XDH: variants seen among roughly 807,000 people sequenced by gnomAD.
XDH encodes the protein xanthine dehydrogenase, also known as xanthine dehydrogenase/oxidase.
Under a neutral mutation model 156.1 loss-of-function variants are expected in XDH, and 138 were observed. The ratio of observed to expected loss-of-function variants is 0.88; its 90% CI spans 0.77 to 1.02. XDH has a LOEUF of 1.02. XDH is among the 50% of genes least tolerant of loss of function. The pLI is 0.00. For synonymous variants in XDH, 669 were observed against 625.7 expected, an observed-to-expected ratio of 1.07 and a Z score of -1.03; for missense variants, 1,849 against 1,684.9, an observed-to-expected ratio of 1.10 and a Z score of -1.71.
Position 31,368,858 on chromosome 2 carries a change from C to T in XDH, c.1981-198G>A, listed in dbSNP as rs896381189. Among the ~76,000 whole-genome samples the T allele has an allele frequency of 1.2e-4, 18 of 152,288 alleles. No homozygotes were observed. In the South Asian group the frequency reaches 1.4e-3, roughly 12 times the overall value. On this transcript the variant is annotated intron_variant, in intron 18 of 35. Coordinates refer to ENST00000379416, the MANE Select transcript of XDH (RefSeq NM_000379.4). ...TCAAGATGGCAAACACATTTCATCT[C>T]AAGGGCCAATTCTGAGTATTTAGTA...
chr2:31,344,654 T>C, intron 31 of XDH, 30 bp downstream of exon 31: 1 of 1,613,868 alleles, frequency 6.2e-7, no homozygotes, highest in Non-Finnish European at 8.5e-7. Context: ...CATCACACTA[T>C]GAGCTGGGCA....
Position 31,414,555 on chromosome 2 carries a change from G to T in XDH, c.42+70C>A. ...CAGGAAAGACAGAGAACAAGATATGGCTCTGCCAGAGGACACATTTCCCCT... is the reference window on the plus strand; with the variant it reads ...CAGGAAAGACAGAGAACAAGATATGTCTCTGCCAGAGGACACATTTCCCCT... On this transcript the variant is annotated intron_variant, in intron 1 of 35. Transcript: ENST00000379416. The T allele has an allele frequency of 3.2e-6, 5 of 1,586,276 alleles. No homozygotes were observed. The South Asian group carries it at 4.4e-5, about 14-fold the overall frequency.
Position 31,335,372 on chromosome 2 carries a change from C to T in XDH, c.*586G>A, listed in dbSNP as rs1226920953. The T allele has an allele frequency of 6.2e-6, 1 of 161,248 alleles. No individual in the cohort carries two copies. Among genetic ancestry groups the T allele is most frequent in the Admixed American group, 5.7e-5 (1 of 17,422 alleles). 10.0% of individuals were successfully genotyped at this position (161,248 alleles called of 1,614,324 possible). A position where few individuals can be genotyped will look rare whatever the true frequency, so the allele number is the denominator to read the frequency against. ...TATAGAGTAATCTTGCTTTATGCAG[C>T]TTCACAAAATCAGATCCAATTAACC... On this transcript the variant is annotated 3_prime_UTR_variant, in exon 36 of 36. Coordinates refer to ENST00000379416, the MANE Select transcript of XDH (RefSeq NM_000379.4).
chr2:31,403,712 G>GT (rs1687124139), intron 2 of XDH, among the ~76,000 whole-genome samples: 1 of 152,082 alleles, frequency 6.6e-6, no homozygotes, highest in South Asian at 2.1e-4. Flanking sequence ...AAATAGAGTG[G>GT]TTTTTTTAGG....
At chr2:31,393,329 A>G (rs549814464) in intron 6 of XDH, among the ~76,000 whole-genome samples, 1 of 152,362 alleles carries the variant, frequency 6.6e-6, no homozygotes, top group African/African-American at 2.4e-5. Context: ...GTGCACACAC[A>G]TTAAGGACTG....
intron 6 of XDH, chr2:31,389,483 A>G: frequency 6.6e-6 from 1 of 152,570 alleles, no homozygotes; most frequent in Non-Finnish European, 1.5e-5. Flanking sequence ...AGAAAGAAAG[A>G]AAGGAAGAAA....
intron 35 of XDH, 127 bp from the exon 36 acceptor site, chr2:31,336,135 A>T (rs772269917): frequency 1.1e-5 from 11 of 1,020,726 alleles, no homozygotes; most frequent in Non-Finnish European, 1.7e-5. Flanking sequence ...CTGCAGGCCT[A>T]GCTGTTGAGA....
At chr2:31,352,885 C>CTTT (rs35724511) in intron 24 of XDH, among the ~76,000 whole-genome samples, 4,539 of 140,280 alleles carry the variant, frequency 0.032, 223 homozygotes, top group African/African-American at 0.1. Context: ...AAACTTTAAC[C>CTTT]TTTTTTTTTT....
chr2:31,377,279 G>T, intron 13 of XDH, 42 bp from the exon 14 acceptor site: 1 of 1,612,292 alleles, frequency 6.2e-7, no homozygotes, highest in South Asian at 1.1e-5. Flanking sequence ...ACCTTGCTCT[G>T]TAGGGGCTGC....
Position 31,365,511 on chromosome 2 carries a change from A to T in XDH, c.2490T>A (p.Arg830=). The change falls in exon 23 of 36, where the codon CGT becomes CGA. Residue 830 remains arginine (R), a synonymous_variant. Coordinates refer to ENST00000379416, the MANE Select transcript of XDH (RefSeq NM_000379.4). ...CACCAGTTATCAGCATGTCCTCATCACGGTCCAGCATGCATCGCACAGGGC... is the reference window on the plus strand; with the variant it reads ...CACCAGTTATCAGCATGTCCTCATCTCGGTCCAGCATGCATCGCACAGGGC... ...TGRPVRCMLD[R]DEDMLITGGR... The T allele has an allele frequency of 6.2e-7, 1 of 1,614,178 alleles. No homozygotes were observed. Among genetic ancestry groups the T allele is most frequent in the Non-Finnish European group, 8.5e-7 (1 of 1,180,042 alleles).
chr2:31,387,174 G>T (rs1244314704), intron 8 of XDH, among the ~76,000 whole-genome samples: 7 of 152,212 alleles, frequency 4.6e-5, no homozygotes, highest in African/African-American at 1.2e-4. Flanking sequence ...AAGATCTGCT[G>T]GTGGCCTGCT....
At chr2:31,406,290 G>T (rs974217182) in intron 1 of XDH, among the ~76,000 whole-genome samples, 10 of 152,242 alleles carry the variant, frequency 6.6e-5, no homozygotes, top group Admixed American at 1.3e-4. Context: ...TACTGGCCAT[G>T]TGATGTGCCT....
At chr2:31,383,358 G>A (rs1185849834) in intron 10 of XDH, among the ~76,000 whole-genome samples, 1 of 152,096 alleles carries the variant, frequency 6.6e-6, no homozygotes, top group African/African-American at 2.4e-5. Flanking sequence ...ACTCAAGCTT[G>A]GGCCTCTTGA....
intron 35 of XDH, 28 bp from the exon 36 acceptor site, chr2:31,336,036 G>A (rs1183630823): frequency 6.2e-7 from 1 of 1,612,840 alleles, no homozygotes; most frequent in East Asian, 2.2e-5. Flanking sequence ...TGTTCTCATT[G>A]CCAGGGTCTG....
intron 9 of XDH, among the ~76,000 whole-genome samples, chr2:31,385,430 C>A (rs1211212606): frequency 6.6e-6 from 1 of 152,118 alleles, no homozygotes; most frequent in Non-Finnish European, 1.5e-5. Flanking sequence ...CAGCACTGAC[C>A]CAAGCCAGGC....
chr2:31,404,854 G>C (rs1687153117), intron 2 of XDH, among the ~76,000 whole-genome samples: 1 of 152,196 alleles, frequency 6.6e-6, no homozygotes, highest in Non-Finnish European at 1.5e-5. Context: ...TGATAGGAGG[G>C]GAGCAAACCA....
At chr2:31,410,096 T>C (rs1035528566) in intron 1 of XDH, among the ~76,000 whole-genome samples, 1 of 152,126 alleles carries the variant, frequency 6.6e-6, no homozygotes, top group East Asian at 1.9e-4. Flanking sequence ...ACAACATAGG[T>C]GAACATTATG....
chr2:31,379,079 C>G (rs1686357924), intron 13 of XDH, among the ~76,000 whole-genome samples: 1 of 152,198 alleles, frequency 6.6e-6, no homozygotes, highest in Non-Finnish European at 1.5e-5. Flanking sequence ...CTCTCTCTGA[C>G]AGTGGCTCCC....
rs745346257 is a variant in XDH, at chr2:31,379,821, A to G, written c.1242+46T>C. The G allele has an allele frequency of 2.5e-6, 4 of 1,575,042 alleles. No homozygotes were observed. The African/African-American group carries it at 5.4e-5, about 21-fold the overall frequency. On this transcript the variant is annotated intron_variant, in intron 13 of 35. Transcript: ENST00000379416. ...TGATCTCTTTGTCTAGAGCCTGGCAATAGGACTTATTTGAGCAGAGCCTGG... is the reference window on the plus strand; with the variant it reads ...TGATCTCTTTGTCTAGAGCCTGGCAGTAGGACTTATTTGAGCAGAGCCTGG...
Sources: allele counts gnomAD v4.1 joint callset (sites outside exome capture counted in the v4.1 genomes callset), GRCh38; gene constraint gnomAD v4.1.1; transcripts MANE v1.5; gene names NCBI Gene and HGNC (gene_info 2026-07-23, HGNC 2026-07-21).